TFF3: variants seen among roughly 807,000 people sequenced by gnomAD.
TFF3 encodes the protein polypeptide P1.B.
TFF3 carries 6 observed loss-of-function variants against 9.7 expected under a neutral mutation model. The observed-to-expected ratio is 0.62, with a 90% CI of 0.34 to 1.22. TFF3 has a LOEUF of 1.22. Ranked by LOEUF, TFF3 falls within the 50% of genes most tolerant of loss-of-function variation. The pLI is 0.04. For missense variants in TFF3, 93 were observed against 98.6 expected (o/e 0.94, Z 0.24); for synonymous variants, 48 against 41.4 (o/e 1.16, Z -0.61).
At chr21:42,312,373 C>G in intron 2 of TFF3, 104 bp from the exon 3 acceptor site, 1 of 1,372,460 alleles carries the variant, frequency 7.3e-7, no homozygotes, top group South Asian at 1.4e-5. Flanking sequence ...GTGCTGCCTC[C>G]TCCCCAGAGT....
Position 42,313,424 on chromosome 21 carries a change from G to A in TFF3, c.229+61C>T. The A allele has an allele frequency of 1.3e-6, 2 of 1,544,902 alleles. No individual in the cohort carries two copies. The highest frequency in any genetic ancestry group is 1.2e-5 in the South Asian group (1 of 83,110). ...ATCTCCAGCCCAGAAAGGACAGGGA[G>A]GCCCTGAGACCCCCTGCCTTATGGG... On this transcript the variant is annotated intron_variant, in intron 2 of 2. Transcript: ENST00000518498. The surrounding 1 kb of genome is among the most constrained non-coding windows in gnomAD (Gnocchi z 4.0).
At chr21:42,314,834 T>G (rs893368670) in intron 1 of TFF3, among the ~76,000 whole-genome samples, 4 of 152,298 alleles carry the variant, frequency 2.6e-5, no homozygotes, top group African/African-American at 9.6e-5. Context: ...TCCTTCAAAC[T>G]TGGGTTAATG....
intron 1 of TFF3, among the ~76,000 whole-genome samples, chr21:42,314,785 C>T (rs1262270809): frequency 6.6e-6 from 1 of 152,154 alleles, no homozygotes; most frequent in Non-Finnish European, 1.5e-5. Context: ...TGCCTTTGAC[C>T]CTGCTCAGAA....
chr21:42,313,363 T>G lies in TFF3; in HGVS notation c.229+122A>C. On this transcript the variant is annotated intron_variant, in intron 2 of 2. Transcript: ENST00000518498. This position sits in a 1 kb window ranked among gnomAD's most constrained non-coding sequence, Gnocchi z 4.0. ...CTCTGCTCTGAGGCCTTGGAACAGG[T>G]GTGTGTGTGTGGCTTCCTGGGGTCC... is the stretch of plus-strand genomic sequence containing the variant. 1.0e-6 allele frequency: 1 copy of G among 984,712 alleles called. No individual in the cohort carries two copies. The highest frequency in any genetic ancestry group is 1.4e-6 in the Non-Finnish European group (1 of 705,528). The allele number at this position is 984,712 out of a possible 1,614,324, so 61.0% of individuals were successfully genotyped here.
At chr21:42,312,834 G>A (rs776594676) in intron 2 of TFF3, among the ~76,000 whole-genome samples, 1 of 152,140 alleles carries the variant, frequency 6.6e-6, no homozygotes, top group Non-Finnish European at 1.5e-5. Context: ...ATGGCAGATG[G>A]CTTATAGCCA....
chr21:42,313,515 G>A lies in TFF3; in HGVS notation c.199C>T (p.Pro67Ser), dbSNP rs779808946. ...CCFDSRIPGVPWCFKPLQEAE... is the reference protein window; with the variant it reads ...CCFDSRIPGVSWCFKPLQEAE... ...TCCTGCAGGGGCTTGAAACACCAAGGCACTCCAGGGATCCTGGAGTCAAAG... is the reference window on the plus strand; with the variant it reads ...TCCTGCAGGGGCTTGAAACACCAAGACACTCCAGGGATCCTGGAGTCAAAG... Residue 67 changes from proline to serine, a missense_variant, in exon 2 of 3, where the codon CCT becomes TCT. Pro to Ser is a moderately conservative substitution (Grantham distance 74). Transcript: ENST00000518498. The surrounding 1 kb of genome is among the most constrained non-coding windows in gnomAD (Gnocchi z 4.0). 3 of 1,609,378 alleles carry A rather than the reference G, an allele frequency of 1.9e-6. No individual in the cohort carries two copies. Among genetic ancestry groups the A allele is most frequent in the South Asian group, 2.2e-5 (2 of 90,504 alleles).
chr21:42,315,113 G>A (rs1056839318), intron 1 of TFF3, among the ~76,000 whole-genome samples, 180 bp downstream of exon 1: 2 of 152,216 alleles, frequency 1.3e-5, no homozygotes, highest in Non-Finnish European at 2.9e-5. Flanking sequence ...AACTTTCTCT[G>A]AGCCTCGGTT....
Position 42,312,152 on chromosome 21 carries a change from C to T in TFF3, c.*104G>A. ...TTTCAGCAGAAGCGCTTGCCGGGAG[C>T]AAAGGGACAGAAAAGCTGAGATGAA... is the stretch of plus-strand genomic sequence containing the variant. On this transcript the variant is annotated 3_prime_UTR_variant, in exon 3 of 3. Coordinates refer to ENST00000518498, the MANE Select transcript of TFF3 (RefSeq NM_003226.4). The T allele has an allele frequency of 1.3e-6, 2 of 1,524,128 alleles. No individual in the cohort carries two copies. Among genetic ancestry groups the T allele is most frequent in the Non-Finnish European group, 1.8e-6 (2 of 1,098,196 alleles). The allele number at this position is 1,524,128 out of a possible 1,614,324, so 94.4% of individuals were successfully genotyped here.
Position 42,313,798 on chromosome 21 carries a change from TA to T in TFF3, c.83-168del, listed in dbSNP as rs935881046. ...AAGATGCACTTTCCCTGTGAATATT[TA>T]AAGAGAGGCAGTCTGTTAAATGCTC... On this transcript the variant is annotated intron_variant, in intron 1 of 2. Transcript: ENST00000518498. This position sits in a 1 kb window ranked among gnomAD's most constrained non-coding sequence, Gnocchi z 4.0. The T allele has an allele frequency of 4.1e-6, 3 of 729,064 alleles. No homozygotes were observed. Among genetic ancestry groups the T allele is most frequent in the African/African-American group, 3.7e-5 (2 of 54,358 alleles). 45.2% of individuals were successfully genotyped at this position (729,064 alleles called of 1,614,324 possible).
Position 42,311,860 on chromosome 21 carries a change from G to A in TFF3, c.*396C>T, listed in dbSNP as rs897219225. 10 of 349,772 alleles carry A rather than the reference G, an allele frequency of 2.9e-5. No individual in the cohort carries two copies. The highest frequency in any genetic ancestry group is 1.3e-4 in the African/African-American group (6 of 46,608). 21.7% of individuals were successfully genotyped at this position (349,772 alleles called of 1,614,324 possible). ...TGAAATGTATTTTTTCTGCTTTCCC[G>A]AGGAAGCGGCACTTACAGTGTTCCT... On this transcript the variant is annotated 3_prime_UTR_variant, in exon 3 of 3. Coordinates refer to ENST00000518498, the MANE Select transcript of TFF3 (RefSeq NM_003226.4).
intron 1 of TFF3, 41 bp downstream of exon 1, chr21:42,315,252 C>T: frequency 2.5e-6 from 4 of 1,593,338 alleles, no homozygotes; most frequent in Non-Finnish European, 3.4e-6. Flanking sequence ...CCCTTCCCTT[C>T]ACGCCCACCC....
chr21:42,312,165 A>T lies in TFF3; in HGVS notation c.*91T>A. On this transcript the variant is annotated 3_prime_UTR_variant, in exon 3 of 3. Coordinates refer to ENST00000518498, the MANE Select transcript of TFF3 (RefSeq NM_003226.4). ...GCTTGCCGGGAGCAAAGGGACAGAA[A>T]AGCTGAGATGAACAGTGCCTGGCAG... The T allele has an allele frequency of 6.4e-7, 1 of 1,572,022 alleles. No homozygotes were observed. Among genetic ancestry groups the T allele is most frequent in the Non-Finnish European group, 8.8e-7 (1 of 1,141,734 alleles).
Position 42,312,022 on chromosome 21 carries a change from C to A in TFF3, c.*234G>T. 1.4e-6 allele frequency: 1 copy of A among 716,684 alleles called. No homozygotes were observed. Among genetic ancestry groups the A allele is most frequent in the Admixed American group, 2.0e-5 (1 of 49,700 alleles). The allele number at this position is 716,684 out of a possible 1,614,324, so 44.4% of individuals were successfully genotyped here. A position where few individuals can be genotyped will look rare whatever the true frequency, so the allele number is the denominator to read the frequency against. Reference sequence around the variant, plus strand: ...CACCCTCCCGCCCTCTCCCACGACGCAGCAGAAATAAAGCACAACCTCAGA... The same window carrying A: ...CACCCTCCCGCCCTCTCCCACGACGAAGCAGAAATAAAGCACAACCTCAGA... On this transcript the variant is annotated 3_prime_UTR_variant, in exon 3 of 3. Transcript: ENST00000518498.
chr21:42,312,265 G>A lies in TFF3; in HGVS notation c.234C>T (p.Cys78=), dbSNP rs144371083. 1 of 1,609,632 alleles carries A rather than the reference G, an allele frequency of 6.2e-7. No individual in the cohort carries two copies. The highest frequency in any genetic ancestry group is 1.7e-5 in the Admixed American group (1 of 59,504). The part of the protein sequence containing the change: ...WCFKPLQEAE[C]TF ...GGCAGCTGGAGGTGCCTCAGAAGGT[G>A]CATTCTGCAAACAGAGCAAAGGCTT... The change falls in exon 3 of 3, where the codon TGC becomes TGT. Residue 78 remains cysteine (C), a synonymous_variant. Coordinates refer to ENST00000518498, the MANE Select transcript of TFF3 (RefSeq NM_003226.4).
chr21:42,314,428 A>T (rs1006304862), intron 1 of TFF3, among the ~76,000 whole-genome samples: 1 of 152,164 alleles, frequency 6.6e-6, no homozygotes, highest in Non-Finnish European at 1.5e-5. Flanking sequence ...CCAAGGCAGG[A>T]GGATCACTTG....
chr21:42,313,480 C>T lies in TFF3; in HGVS notation c.229+5G>A. 1 of 1,606,540 alleles carries T rather than the reference C, an allele frequency of 6.2e-7. No homozygotes were observed. Among genetic ancestry groups the T allele is most frequent in the Non-Finnish European group, 8.5e-7 (1 of 1,177,298 alleles). ...GCCCAGACCACGATGCCACTGGGGC[C>T]TTACCTGCTTCCTGCAGGGGCTTGA... On this transcript the variant is annotated splice_donor_5th_base_variant and intron_variant, in intron 2 of 2. Coordinates refer to ENST00000518498, the MANE Select transcript of TFF3 (RefSeq NM_003226.4). This position sits in a 1 kb window ranked among gnomAD's most constrained non-coding sequence, Gnocchi z 4.0.
Position 42,311,944 on chromosome 21 carries a change from G to A in TFF3, c.*312C>T. 1.7e-6 allele frequency: 1 copy of A among 584,664 alleles called. No homozygotes were observed. Among genetic ancestry groups the A allele is most frequent in the Non-Finnish European group, 3.1e-6 (1 of 324,538 alleles). 36.2% of individuals were successfully genotyped at this position (584,664 alleles called of 1,614,324 possible). A position where few individuals can be genotyped will look rare whatever the true frequency, so the allele number is the denominator to read the frequency against. On this transcript the variant is annotated 3_prime_UTR_variant, in exon 3 of 3. Coordinates refer to ENST00000518498, the MANE Select transcript of TFF3 (RefSeq NM_003226.4). The stretch of plus-strand genomic sequence containing the variant: ...TCAAAATATCCTTGCATGCACTGCA[G>A]CTCCTTAGGGAGTCTTTTCCTGCCC...
At chr21:42,314,653 A>C (rs2069348848) in intron 1 of TFF3, among the ~76,000 whole-genome samples, 1 of 152,228 alleles carries the variant, frequency 6.6e-6, no homozygotes, top group African/African-American at 2.4e-5. Context: ...GGCTATCTCA[A>C]AACAAAACAG....
rs1282315470 is a variant in TFF3 at position 42,312,035 on chromosome 21, G to C, written c.*221C>G. ...TCTCCCACGACGCAGCAGAAATAAAGCACAACCTCAGAAAGTCTCAGGCAC... is the reference window on the plus strand; with the variant it reads ...TCTCCCACGACGCAGCAGAAATAAACCACAACCTCAGAAAGTCTCAGGCAC... On this transcript the variant is annotated 3_prime_UTR_variant, in exon 3 of 3. Transcript: ENST00000518498. The C allele has an allele frequency of 1.0e-5, 7 of 703,208 alleles. No individual in the cohort carries two copies. Among genetic ancestry groups the C allele is most frequent in the African/African-American group, 1.8e-5 (1 of 56,828 alleles). The allele number at this position is 703,208 out of a possible 1,614,324, so 43.6% of individuals were successfully genotyped here.
Sources: allele counts gnomAD v4.1 joint callset (sites outside exome capture counted in the v4.1 genomes callset), GRCh38; gene constraint gnomAD v4.1.1; non-coding constraint Gnocchi (gnomAD v3.1); transcripts MANE v1.5; gene names NCBI Gene and HGNC (gene_info 2026-07-23, HGNC 2026-07-21).